Variants in ARHGAP10 observed in about 807,000 individuals in gnomAD.
ARHGAP10 encodes rho GTPase-activating protein 10.
Under a neutral mutation model 108.6 loss-of-function variants are expected in ARHGAP10, and 87 were observed. That is an observed-to-expected ratio of 0.80 (90% CI 0.67 to 0.96). The LOEUF (loss-of-function observed/expected upper bound fraction) is 0.96, where lower values mean the gene tolerates loss of function less well. Ranked by LOEUF, ARHGAP10 falls within the 40% of genes least tolerant of loss-of-function variation. The pLI is 0.00. For synonymous variants in ARHGAP10, 347 were observed against 341.1 expected (o/e 1.02, Z -0.19); for missense variants, 939 against 954.5 (o/e 0.98, Z 0.21).
intron 1 of ARHGAP10, among the ~76,000 whole-genome samples, chr4:147,765,872 A>G (rs1183879733): frequency 2.0e-5 from 3 of 152,228 alleles, no homozygotes; most frequent in South Asian, 2.1e-4. Context: ...GACATGTTCT[A>G]TCCCATTTTG....
chr4:147,975,678 A>G (rs1640207319), intron 18 of ARHGAP10, among the ~76,000 whole-genome samples: 1 of 152,186 alleles, frequency 6.6e-6, no homozygotes, highest in Non-Finnish European at 1.5e-5. Context: ...TATGCCTGAG[A>G]TAACATGAAT....
intron 18 of ARHGAP10, among the ~76,000 whole-genome samples, chr4:147,999,031 G>A (rs969693162): frequency 2.1e-4 from 32 of 152,154 alleles, no homozygotes; most frequent in African/African-American, 6.3e-4. Flanking sequence ...GAGAGCCCTG[G>A]AAAACAAATG....
intron 18 of ARHGAP10, among the ~76,000 whole-genome samples, chr4:147,993,459 A>G (rs1400187939): frequency 2.0e-5 from 3 of 152,240 alleles, no homozygotes; most frequent in African/African-American, 2.4e-5. Context: ...GCATCCTTGT[A>G]TACAATTATT....
intron 1 of ARHGAP10, among the ~76,000 whole-genome samples, chr4:147,745,867 A>G (rs987525776): frequency 3.5e-5 from 5 of 144,508 alleles, no homozygotes; most frequent in African/African-American, 1.3e-4. Context: ...GTTCACGGCA[A>G]CCTCCACTTC....
chr4:147,747,618 T>C (rs556306715), intron 1 of ARHGAP10, among the ~76,000 whole-genome samples: 1 of 152,164 alleles, frequency 6.6e-6, no homozygotes, highest in East Asian at 1.9e-4. Flanking sequence ...GTTCTTTGCA[T>C]GTGTTTCTAG....
intron 8 of ARHGAP10, among the ~76,000 whole-genome samples, chr4:147,877,651 G>A (rs1735127582): frequency 6.6e-6 from 1 of 152,040 alleles, no homozygotes; most frequent in African/African-American, 2.4e-5. Flanking sequence ...ACTTTTATTG[G>A]CATGTGAAGT....
intron 19 of ARHGAP10, among the ~76,000 whole-genome samples, chr4:148,034,392 A>G (rs1398389852): frequency 6.6e-6 from 1 of 152,004 alleles, no homozygotes; most frequent in Non-Finnish European, 1.5e-5. Context: ...ATCTTGGCTC[A>G]CTGCAATCTC....
At chr4:147,749,913 A>T (rs1729073786) in intron 1 of ARHGAP10, among the ~76,000 whole-genome samples, 1 of 152,252 alleles carries the variant, frequency 6.6e-6, no homozygotes, top group Non-Finnish European at 1.5e-5. Context: ...ATGAACAGCC[A>T]TGTATCCAGA....
At chr4:147,807,189 C>A (rs1011158691) in intron 1 of ARHGAP10, among the ~76,000 whole-genome samples, 3 of 152,060 alleles carry the variant, frequency 2.0e-5, no homozygotes, top group Admixed American at 2.0e-4. Flanking sequence ...TGTTCCCACC[C>A]CCCAATTCAT....
intron 5 of ARHGAP10, chr4:147,860,870 G>A (rs1579127289): frequency 1.3e-5 from 2 of 152,220 alleles, no homozygotes; most frequent in South Asian, 4.1e-4. Context: ...AAAACGTATA[G>A]TGATTGCCTT....
chr4:147,993,407 A>G (rs879262505), intron 18 of ARHGAP10, among the ~76,000 whole-genome samples: 5 of 152,240 alleles, frequency 3.3e-5, no homozygotes, highest in Non-Finnish European at 7.3e-5. Flanking sequence ...TATGTCTGAA[A>G]TTATTCATAA....
At chr4:147,839,126 A>ATCTGTCTGTCTG (rs1280086467) in intron 3 of ARHGAP10, among the ~76,000 whole-genome samples, 26 of 148,714 alleles carry the variant, frequency 1.7e-4, no homozygotes, top group African/African-American at 6.0e-4. Flanking sequence ...CTATCTATCT[A>ATCTGTCTGTCTG]TCTATCTATC....
intron 1 of ARHGAP10, among the ~76,000 whole-genome samples, chr4:147,775,516 T>C (rs12645249): frequency 0.75 from 114,009 of 152,160 alleles, 48,727 homozygotes; most frequent in Non-Finnish European, 0.94. Context: ...CTCTCACATA[T>C]GCAGAATAAG....
At chr4:147,968,640 TACC>T (rs1172511097) in intron 18 of ARHGAP10, among the ~76,000 whole-genome samples, 1 of 152,250 alleles carries the variant, frequency 6.6e-6, no homozygotes, top group Non-Finnish European at 1.5e-5. Context: ...TGATTTTAAA[TACC>T]ACATTATTTT....
At chr4:147,991,325 A>G (rs1740267860) in intron 18 of ARHGAP10, among the ~76,000 whole-genome samples, 1 of 152,114 alleles carries the variant, frequency 6.6e-6, no homozygotes, top group Non-Finnish European at 1.5e-5. Flanking sequence ...GCAGCCCTGT[A>G]GTGAGAATAT....
chr4:147,972,177 C>T (rs113010097), intron 18 of ARHGAP10, among the ~76,000 whole-genome samples: 4,390 of 151,956 alleles, frequency 0.029, 97 homozygotes, highest in South Asian at 0.067. Context: ...GAAAGTATAA[C>T]GTAAGGTATA....
chr4:147,839,538 A>G (rs1733327120), intron 3 of ARHGAP10, among the ~76,000 whole-genome samples: 1 of 152,218 alleles, frequency 6.6e-6, no homozygotes, highest in South Asian at 2.1e-4. Context: ...CTAGACTGAG[A>G]CTTTAGAAAA....
At chr4:147,966,640 C>T (rs1170452550) in intron 17 of ARHGAP10, 40 bp from the exon 18 acceptor site, 8 of 1,501,302 alleles carry the variant, frequency 5.3e-6, no homozygotes, top group South Asian at 2.8e-5. Flanking sequence ...AATTTTTGCT[C>T]CTTTGGTTAA....
chr4:147,826,132 C>G (rs1042427319), intron 3 of ARHGAP10, among the ~76,000 whole-genome samples: 2 of 152,162 alleles, frequency 1.3e-5, no homozygotes, highest in Non-Finnish European at 2.9e-5. Flanking sequence ...AAGTTCTGAG[C>G]AGAGTGGTGC....
Sources: gnomAD v4.1 joint callset for allele counts (sites outside exome capture counted in the v4.1 genomes callset) on GRCh38, gnomAD v4.1.1 for gene constraint, MANE v1.5 for transcripts, NCBI Gene and HGNC (gene_info 2026-07-23, HGNC 2026-07-21) for gene names.